TANGO2: variants seen among roughly 807,000 people sequenced by gnomAD.
TANGO2 encodes transport and Golgi organization protein 2 homolog.
Under a neutral mutation model 39.1 loss-of-function variants are expected in TANGO2, and 26 were observed. The observed-to-expected ratio is 0.67, with a 90% CI of 0.49 to 0.92. The LOEUF (loss-of-function observed/expected upper bound fraction) is 0.92, where lower values mean the gene tolerates loss of function less well. Among genes scored for constraint, TANGO2 ranks in the 40% least tolerant of loss-of-function variants. TANGO2 has a pLI of 0.00. For synonymous variants in TANGO2, 131 were observed against 144.5 expected (o/e 0.91, Z 0.67); for missense variants, 326 against 360.1 (o/e 0.91, Z 0.77).
At chr22:20,020,503 T>C (rs1314271034), upstream of TANGO2, among the ~76,000 whole-genome samples, 2 of 141,588 alleles carry the variant, frequency 1.4e-5, no homozygotes, top group African/African-American at 5.1e-5. Context: ...GCTCAAAGGC[T>C]ACACTGGGGG....
chr22:20,053,556 G>T lies in TANGO2; in HGVS notation c.380+5G>T. 6.3e-7 allele frequency: 1 copy of T among 1,591,528 alleles called. No individual in the cohort carries two copies. Among genetic ancestry groups the T allele is most frequent in the Admixed American group, 1.7e-5 (1 of 59,984 alleles). ...CCTCATAGCAGCCGACCTGAGGTGGGTCTGCCAGAGGGGGATGGCGGCTCT... is the reference window on the plus strand; with the variant it reads ...CCTCATAGCAGCCGACCTGAGGTGGTTCTGCCAGAGGGGGATGGCGGCTCT... On this transcript the variant is annotated splice_donor_5th_base_variant and intron_variant, in intron 5 of 8. Transcript: ENST00000327374.
intron 3 of TANGO2, among the ~76,000 whole-genome samples, chr22:20,049,339 G>A (rs1450261931): frequency 6.6e-6 from 1 of 152,156 alleles, no homozygotes; most frequent in Non-Finnish European, 1.5e-5. Flanking sequence ...ACACCATGCA[G>A]TCTATGAGTG....
At chr22:20,064,023 C>A (rs1388742468) in intron 8 of TANGO2, among the ~76,000 whole-genome samples, 6 of 152,238 alleles carry the variant, frequency 3.9e-5, no homozygotes, top group Non-Finnish European at 7.3e-5. Context: ...GTCTGCAAAG[C>A]CCACGGCAGA....
chr22:20,019,631 T>C (rs1242036606), upstream of TANGO2, among the ~76,000 whole-genome samples: 1 of 152,258 alleles, frequency 6.6e-6, no homozygotes, highest in Non-Finnish European at 1.5e-5. Context: ...GGTCAACTCA[T>C]GTCCAGCTTT....
At chr22:20,023,572 A>G (rs2040140056) in intron 1 of TANGO2, among the ~76,000 whole-genome samples, 1 of 152,252 alleles carries the variant, frequency 6.6e-6, no homozygotes. Flanking sequence ...GTGTCATGAT[A>G]GGCCAAGCAC....
intron 3 of TANGO2, chr22:20,048,459 G>A (rs2045673801): frequency 6.6e-6 from 1 of 152,096 alleles, no homozygotes; most frequent in Admixed American, 6.6e-5. Context: ...ATTGTTTCTT[G>A]AGTTTTATTT....
In TANGO2 at chr22:20,065,486, C is replaced by T. The variant is rs140840130; in HGVS notation, c.*824C>T. ...CCTCCTGATTAGCTGGGATTACAGG[C>T]GTGTGCCACCATGCCCAGCTAATTT... is the stretch of plus-strand genomic sequence containing the variant. On this transcript the variant is annotated 3_prime_UTR_variant, in exon 9 of 9. Coordinates refer to ENST00000327374, the MANE Select transcript of TANGO2 (RefSeq NM_152906.7). 1,533 of 152,404 alleles carry T rather than the reference C, an allele frequency of 0.01. 7 individuals carry two copies. The highest frequency in any genetic ancestry group is 0.021 in the South Asian group (103 of 4,826). The allele number at this position is 152,404 out of a possible 1,614,324, so 9.4% of individuals were successfully genotyped here. A position where few individuals can be genotyped will look rare whatever the true frequency, so the allele number is the denominator to read the frequency against.
At chr22:20,025,778 A>G (rs549896778) in intron 1 of TANGO2, among the ~76,000 whole-genome samples, 144 of 152,262 alleles carry the variant, frequency 9.5e-4, no homozygotes, top group African/African-American at 3.3e-3. Flanking sequence ...GCACCTGCAG[A>G]GTGCCTGGCA....
intron 1 of TANGO2, among the ~76,000 whole-genome samples, chr22:20,022,198 C>T (rs1428676617): frequency 6.6e-6 from 1 of 152,354 alleles, no homozygotes; most frequent in East Asian, 1.9e-4. Context: ...AAAACTCAGG[C>T]TAAGGTGGCA....
chr22:20,063,293 G>A (rs749953967), intron 7 of TANGO2, 45 bp from the exon 8 acceptor site: 41 of 1,573,022 alleles, frequency 2.6e-5, no homozygotes, highest in Admixed American at 1.5e-4. Flanking sequence ...GGCTGCGGGC[G>A]GGCCACAGAG....
intron 1 of TANGO2, among the ~76,000 whole-genome samples, chr22:20,035,566 G>A (rs1306062390): frequency 6.6e-6 from 1 of 152,232 alleles, no homozygotes; most frequent in African/African-American, 2.4e-5. Flanking sequence ...AGAGGTCCCT[G>A]GGTGGGGACG....
chr22:20,048,645 A>AT (rs968190210), intron 3 of TANGO2, among the ~76,000 whole-genome samples: 1,556 of 146,618 alleles, frequency 0.011, 29 homozygotes, highest in African/African-American at 0.036. Flanking sequence ...GGTGAGCAGA[A>AT]TTTTTTTTTT....
chr22:20,024,123 G>A (rs368799722), intron 1 of TANGO2, among the ~76,000 whole-genome samples: 16 of 152,080 alleles, frequency 1.1e-4, no homozygotes, highest in Non-Finnish European at 2.2e-4. Context: ...GGAGGCGAAC[G>A]TTGCAGTGAG....
At chr22:20,030,150 CTTT>C (rs66601369) in intron 1 of TANGO2, among the ~76,000 whole-genome samples, 4 of 123,870 alleles carry the variant, frequency 3.2e-5, no homozygotes, top group Non-Finnish European at 3.3e-5. Flanking sequence ...TAAGCAGTTG[CTTT>C]TTTTTTTTTT....
intron 1 of TANGO2, among the ~76,000 whole-genome samples, chr22:20,029,922 T>G (rs2531708): frequency 6.6e-6 from 1 of 152,016 alleles, no homozygotes. Flanking sequence ...CGACCTCTTT[T>G]GTCACATCTG....
In TANGO2 at chr22:20,063,398, C is replaced by A. The variant is rs766024527; in HGVS notation, c.666C>A (p.Ser222Arg). 1.1e-4 allele frequency: 180 copies of A among 1,613,404 alleles called. No homozygotes were observed. The highest frequency in any genetic ancestry group is 1.4e-4 in the Non-Finnish European group (171 of 1,179,902). ...GGGAGTACGTGCAGCCCATGCTGAGCAAGTACGCGGCTGTGTGCGTGCGCT... is the reference window on the plus strand; with the variant it reads ...GGGAGTACGTGCAGCCCATGCTGAGAAAGTACGCGGCTGTGTGCGTGCGCT... ...QGGEYVQPML[S>R]KYAAVCVRCP... Residue 222 changes from serine (S) to arginine (R), a missense_variant, in exon 8 of 9, where the codon AGC becomes AGA. Physicochemically the swap from Ser to Arg is moderately radical, Grantham distance 110. Coordinates refer to ENST00000327374, the MANE Select transcript of TANGO2 (RefSeq NM_152906.7).
intron 1 of TANGO2, among the ~76,000 whole-genome samples, chr22:20,034,402 A>G (rs1055450648): frequency 2.6e-5 from 4 of 152,158 alleles, no homozygotes; most frequent in African/African-American, 9.7e-5. Flanking sequence ...CTTTCTGACT[A>G]TGTACTGCTT....
At chr22:20,046,868 C>T (rs4819860) in intron 3 of TANGO2, among the ~76,000 whole-genome samples, 20,626 of 151,994 alleles carry the variant, frequency 0.14, 2,323 homozygotes, top group East Asian at 0.52. Flanking sequence ...AAACTCCTGA[C>T]CTCAAGTGAT....
chr22:20,035,521 G>A (rs945210408), intron 1 of TANGO2, among the ~76,000 whole-genome samples: 10 of 152,352 alleles, frequency 6.6e-5, no homozygotes, highest in South Asian at 2.1e-4. Flanking sequence ...TTCTGCACTC[G>A]TTTGCATTGT....
Sources: gnomAD v4.1 joint callset for allele counts (sites outside exome capture counted in the v4.1 genomes callset) on GRCh38, gnomAD v4.1.1 for gene constraint, MANE v1.5 for transcripts, NCBI Gene and HGNC (gene_info 2026-07-23, HGNC 2026-07-21) for gene names.